The following ZNF638 variants were observed in gnomAD, a reference collection of about 807,000 sequenced individuals.
ZNF638 encodes the protein CTCL tumor antigen se33-1.
Under a neutral mutation model 195.6 loss-of-function variants are expected in ZNF638, and 46 were observed. That is an observed-to-expected ratio of 0.24 (90% confidence interval 0.19 to 0.30). ZNF638 has a LOEUF of 0.30. Among genes scored for constraint, ZNF638 ranks in the 10% least tolerant of loss-of-function variants. The pLI is 1.00. For synonymous variants in ZNF638, 845 were observed against 772.0 expected (o/e 1.09, Z -1.57); for missense variants, 2,440 against 2,325.3 (o/e 1.05, Z -1.01).
In ZNF638 at chr2:71,423,784, G is replaced by A. The variant is rs750080207; in HGVS notation, c.4270G>A (p.Asp1424Asn). The A allele has an allele frequency of 2.2e-5, 35 of 1,613,896 alleles. No homozygotes were observed. The highest frequency in any genetic ancestry group is 4.0e-5 in the African/African-American group (3 of 74,910). Residue 1424 changes from aspartate to asparagine, a missense_variant, in exon 22 of 28, where the codon GAT (aspartate) becomes AAT (asparagine). This residue lies in a region of ZNF638 where 1,883 missense variants were observed against 1,739.1 expected (regional missense o/e 1.08). Transcript: ENST00000264447. ...QKSFPKSVPR[D>N]QINAEKKLSA... ...AAGTTTTCCAAAATCTGTGCCCAGA[G>A]ATCAAATAAATGCTGAAAAGAAACT...
intron 1 of ZNF638, among the ~76,000 whole-genome samples, chr2:71,334,146 C>T (rs2078622367): frequency 6.6e-6 from 1 of 152,096 alleles, no homozygotes; most frequent in Non-Finnish European, 1.5e-5. Flanking sequence ...TTCCCAGTGC[C>T]TGGTATGTAT....
intron 2 of ZNF638, among the ~76,000 whole-genome samples, chr2:71,353,324 A>G (rs763637410): frequency 3.9e-5 from 6 of 152,208 alleles, no homozygotes; most frequent in Non-Finnish European, 8.8e-5. Flanking sequence ...GACTGAAATA[A>G]TTCAGTTTGA....
rs1487264372 is a variant in ZNF638 at position 71,349,161 on chromosome 2, G to A, written c.207G>A (p.Met69Ile). 1 of 1,614,210 alleles carries A rather than the reference G, an allele frequency of 6.2e-7. No individual in the cohort carries two copies. The highest frequency in any genetic ancestry group is 8.5e-7 in the Non-Finnish European group (1 of 1,180,032). Residue 69 changes from methionine to isoleucine, a missense_variant, in exon 2 of 28, where the codon ATG (methionine) becomes ATA (isoleucine). By Grantham distance (10) the Met-to-Ile change is conservative. Coordinates refer to ENST00000264447, the MANE Select transcript of ZNF638 (RefSeq NM_014497.5). ...ATCAGAACATGGGGCCACAGAGAAT[G>A]AATGTTCAGGTAACTCAACACAGAA... The part of the protein sequence containing the change: ...ESYQNMGPQR[M>I]NVQVTQHRTD...
Position 71,434,874 on chromosome 2 carries a change from T to C in ZNF638, c.*67T>C, listed in dbSNP as rs2080735310. The C allele has an allele frequency of 2.2e-6, 3 of 1,392,142 alleles. No individual in the cohort carries two copies. Among genetic ancestry groups the C allele is most frequent in the African/African-American group, 2.9e-5 (2 of 68,530 alleles). The allele number at this position is 1,392,142 out of a possible 1,614,324, so 86.2% of individuals were successfully genotyped here. A position where few individuals can be genotyped will look rare whatever the true frequency, so the allele number is the denominator to read the frequency against. On this transcript the variant is annotated 3_prime_UTR_variant, in exon 28 of 28. Coordinates refer to ENST00000264447, the MANE Select transcript of ZNF638 (RefSeq NM_014497.5). ...CCAGTTGATTTGTGTATTTTTGTTA[T>C]CATTTAATTTGTAATTTTCGTTTCA...
chr2:71,419,971 C>CCG (rs1280002259), intron 21 of ZNF638, among the ~76,000 whole-genome samples: 1 of 72,652 alleles, frequency 1.4e-5, no homozygotes, highest in South Asian at 5.8e-4. Context: ...CACCCCCCCC[C>CCG]GCCTTTTTTT....
At chr2:71,376,173 T>C (rs1467166178) in intron 8 of ZNF638, 1 of 152,190 alleles carries the variant, frequency 6.6e-6, no homozygotes, top group Non-Finnish European at 1.5e-5. Context: ...AATGAATAGG[T>C]AAAGAAAATA....
intron 3 of ZNF638, among the ~76,000 whole-genome samples, chr2:71,359,519 G>A (rs963245863): frequency 5.3e-5 from 8 of 152,144 alleles, no homozygotes; most frequent in African/African-American, 1.9e-4. Flanking sequence ...TCCTTACTCA[G>A]CCCACTGACT....
intron 22 of ZNF638, among the ~76,000 whole-genome samples, 156 bp downstream of exon 22, chr2:71,424,194 T>C (rs186974799): frequency 1.3e-5 from 2 of 152,276 alleles, no homozygotes; most frequent in African/African-American, 4.8e-5. Flanking sequence ...TTCCATTGTT[T>C]AAGCCAGTAG....
chr2:71,366,649 G>A (rs1188304035), intron 6 of ZNF638, among the ~76,000 whole-genome samples: 5 of 152,178 alleles, frequency 3.3e-5, no homozygotes, highest in Admixed American at 3.3e-4. Context: ...ATCACCAGCA[G>A]CATTATTGAG....
chr2:71,391,863 T>G (rs1219129326), intron 10 of ZNF638, among the ~76,000 whole-genome samples: 1 of 152,138 alleles, frequency 6.6e-6, no homozygotes, highest in Non-Finnish European at 1.5e-5. Context: ...ACCAAGTTAT[T>G]TCTCAGAGAC....
intron 7 of ZNF638, among the ~76,000 whole-genome samples, chr2:71,369,414 G>A (rs1573062389): frequency 6.6e-6 from 1 of 152,102 alleles, no homozygotes. Flanking sequence ...CAAGGCTGGA[G>A]GATCGCTTGA....
chr2:71,434,273 G>A (rs1253940006), intron 27 of ZNF638, among the ~76,000 whole-genome samples: 3 of 151,800 alleles, frequency 2.0e-5, no homozygotes, highest in African/African-American at 4.8e-5. Flanking sequence ...CTGTTCTTTT[G>A]CCCCTTCCCA....
rs752625724 is a variant in ZNF638, at chr2:71,400,138, G to A, written c.2614G>A (p.Glu872Lys). The change falls in exon 14 of 28, where the codon GAA becomes AAA. Residue 872 changes from glutamate to lysine, a missense_variant. Glu to Lys is a moderately conservative substitution (Grantham distance 56). This residue lies in a region of ZNF638 where 1,883 missense variants were observed against 1,739.1 expected (regional missense o/e 1.08). Coordinates refer to ENST00000264447, the MANE Select transcript of ZNF638 (RefSeq NM_014497.5). Reference protein sequence around the residue: ...PENSEIKTSIEVKATENCAKE... With the variant: ...PENSEIKTSIKVKATENCAKE... ...AAACTCTGAAATAAAGACCAGTATT[G>A]AAGTCAAAGCCACTGAAAACTGTGC... 6.2e-7 allele frequency: 1 copy of A among 1,609,464 alleles called. No individual in the cohort carries two copies. The highest frequency in any genetic ancestry group is 1.7e-5 in the Admixed American group (1 of 59,280).
intron 21 of ZNF638, among the ~76,000 whole-genome samples, chr2:71,422,342 T>TC (rs1271147986): frequency 2.6e-5 from 4 of 152,246 alleles, no homozygotes; most frequent in East Asian, 1.9e-4. Flanking sequence ...TATGGTCTTT[T>TC]CCCCCCACCA....
At chr2:71,334,813 C>G (rs560307440) in intron 1 of ZNF638, among the ~76,000 whole-genome samples, 1 of 151,230 alleles carries the variant, frequency 6.6e-6, no homozygotes. Context: ...CCCAGCGACT[C>G]GGGAGGCTGA....
intron 26 of ZNF638, among the ~76,000 whole-genome samples, chr2:71,431,857 T>G (rs1159912213): frequency 6.6e-6 from 1 of 152,202 alleles, no homozygotes; most frequent in African/African-American, 2.4e-5. Context: ...TAGTGGAAAT[T>G]TGCATGTTTT....
At chr2:71,383,697 G>A (rs1410178398) in intron 10 of ZNF638, among the ~76,000 whole-genome samples, 3 of 148,066 alleles carry the variant, frequency 2.0e-5, no homozygotes, top group East Asian at 3.9e-4. Flanking sequence ...TCAGCCTCCC[G>A]AGTAGCTGGG....
chr2:71,370,449 A>T (rs1165842501), intron 8 of ZNF638, among the ~76,000 whole-genome samples: 3 of 152,110 alleles, frequency 2.0e-5, no homozygotes, highest in Admixed American at 1.3e-4. Flanking sequence ...TTGGGCCTTT[A>T]CTTCCTTAGA....
At chr2:71,354,569 C>T (rs2078992644) in intron 2 of ZNF638, among the ~76,000 whole-genome samples, 1 of 151,964 alleles carries the variant, frequency 6.6e-6, no homozygotes, top group Non-Finnish European at 1.5e-5. Context: ...AACCCTGTCT[C>T]TATTAAAAAT....
Sources: allele counts gnomAD v4.1 joint callset (sites outside exome capture counted in the v4.1 genomes callset), GRCh38; gene constraint gnomAD v4.1.1; regional missense constraint gnomAD v4.1.1; transcripts MANE v1.5; gene names NCBI Gene and HGNC (gene_info 2026-07-23, HGNC 2026-07-21).